LAMB4: variants seen among roughly 807,000 people sequenced by gnomAD.
LAMB4 encodes the protein laminin subunit beta-4.
In LAMB4, 196 loss-of-function variants were observed where a neutral mutation model predicts 199.2. The ratio of observed to expected loss-of-function variants is 0.98; its 90% CI spans 0.88 to 1.11. The LOEUF is 1.11. Ranked by LOEUF, LAMB4 falls within the 50% of genes least tolerant of loss-of-function variation. The pLI is 0.00. For missense variants in LAMB4, 2,080 were observed against 2,171.2 expected, an observed-to-expected ratio of 0.96 and a Z score of 0.83; for synonymous variants, 744 against 770.6, an observed-to-expected ratio of 0.97 and a Z score of 0.57.
intron 29 of LAMB4, among the ~76,000 whole-genome samples, chr7:108,041,479 A>C (rs2035420040): frequency 6.6e-6 from 1 of 152,240 alleles, no homozygotes; most frequent in South Asian, 2.1e-4. Context: ...ACAGGAGCAA[A>C]GACATGGAAT....
At chr7:108,086,158 C>A (rs1363423587) in intron 14 of LAMB4, among the ~76,000 whole-genome samples, 10 of 152,220 alleles carry the variant, frequency 6.6e-5, no homozygotes, top group Non-Finnish European at 1.3e-4. Flanking sequence ...GCACCAACGA[C>A]TGACTGATGC....
At chr7:108,053,826 G>T (rs1345275866) in intron 25 of LAMB4, among the ~76,000 whole-genome samples, 1 of 152,190 alleles carries the variant, frequency 6.6e-6, no homozygotes, top group African/African-American at 2.4e-5. Flanking sequence ...CCACAAGCTT[G>T]TGGTCCATGG....
At chr7:108,081,485 C>G (rs932045950) in intron 14 of LAMB4, among the ~76,000 whole-genome samples, 10 of 152,232 alleles carry the variant, frequency 6.6e-5, no homozygotes, top group Admixed American at 1.3e-4. Flanking sequence ...CTCCTTCACT[C>G]TCTTAAGAGT....
chr7:108,086,597 C>T (rs1228951283), intron 14 of LAMB4, among the ~76,000 whole-genome samples: 1 of 152,048 alleles, frequency 6.6e-6, no homozygotes, highest in East Asian at 1.9e-4. Flanking sequence ...TGTATGGAAC[C>T]CCAGAGATGG....
At chr7:108,020,454 G>C (rs1173821888), downstream of LAMB4, among the ~76,000 whole-genome samples, 1 of 127,212 alleles carries the variant, frequency 7.9e-6, no homozygotes, top group Non-Finnish European at 1.6e-5. Context: ...CTAGGTGACA[G>C]AGCAAGACTC....
chr7:108,043,717 AC>A (rs2035516136), intron 29 of LAMB4, 34 bp downstream of exon 29: 4 of 1,437,624 alleles, frequency 2.8e-6, no homozygotes, highest in Non-Finnish European at 3.8e-6. Flanking sequence ...AGGGAAAAAA[AC>A]AAAAACTAGT....
chr7:108,099,470 G>T (rs1469913795), intron 10 of LAMB4, among the ~76,000 whole-genome samples: 1 of 152,170 alleles, frequency 6.6e-6, no homozygotes, highest in Non-Finnish European at 1.5e-5. Flanking sequence ...CAAATAGTTA[G>T]GGGTGCCCAA....
chr7:108,097,901 A>T (rs2037672748), intron 11 of LAMB4, among the ~76,000 whole-genome samples: 1 of 152,246 alleles, frequency 6.6e-6, no homozygotes, highest in Non-Finnish European at 1.5e-5. Context: ...AGTGGGGAAA[A>T]TGTGAATGCC....
chr7:108,073,440 A>G (rs1352606165), intron 17 of LAMB4, among the ~76,000 whole-genome samples: 1 of 152,198 alleles, frequency 6.6e-6, no homozygotes, highest in Non-Finnish European at 1.5e-5. Flanking sequence ...TGCCTAATAT[A>G]TTTTTTACTC....
chr7:108,052,382 G>T, intron 25 of LAMB4, 125 bp from the exon 26 acceptor site: 1 of 645,758 alleles, frequency 1.5e-6, no homozygotes, highest in Non-Finnish European at 2.5e-6. Flanking sequence ...CCTTCTACTC[G>T]AGTTTTTCAT....
At chr7:108,065,261 A>G (rs1299216068) in intron 21 of LAMB4, among the ~76,000 whole-genome samples, 1 of 152,152 alleles carries the variant, frequency 6.6e-6, no homozygotes, top group African/African-American at 2.4e-5. Flanking sequence ...CAAGAGATAC[A>G]TGTTTTGAAT....
chr7:108,064,096 A>C, intron 21 of LAMB4, 111 bp from the exon 22 acceptor site: 2 of 754,632 alleles, frequency 2.7e-6, no homozygotes, highest in Non-Finnish European at 4.7e-6. Context: ...AATAATGAGA[A>C]ATCACACATT....
At chr7:108,038,329 T>C (rs1165874926) in intron 29 of LAMB4, among the ~76,000 whole-genome samples, 1 of 151,966 alleles carries the variant, frequency 6.6e-6, no homozygotes, top group Admixed American at 6.6e-5. Flanking sequence ...CCAGCTAATT[T>C]TTTTTGTATT....
intron 2 of LAMB4, among the ~76,000 whole-genome samples, chr7:108,121,416 T>G (rs1054234451): frequency 6.6e-6 from 1 of 152,188 alleles, no homozygotes; most frequent in Admixed American, 6.5e-5. Flanking sequence ...TGTAAACACA[T>G]GTTTATACGT....
the LAMB4 span, among the ~76,000 whole-genome samples, chr7:108,012,218 A>T: frequency 6.6e-6 from 1 of 152,070 alleles, no homozygotes; most frequent in East Asian, 1.9e-4. Context: ...CATAGAAATG[A>T]TAACAATTTC....
chr7:108,043,823 A>C lies in LAMB4; in HGVS notation c.4400T>G (p.Ile1467Arg). The C allele has an allele frequency of 1.2e-6, 2 of 1,609,720 alleles. No individual in the cohort carries two copies. Among genetic ancestry groups the C allele is most frequent in the Middle Eastern group, 1.7e-4 (1 of 6,044 alleles). Residue 1467 changes from isoleucine (I) to arginine (R), a missense_variant, in exon 29 of 34, where the codon ATA becomes AGA. Coordinates refer to ENST00000388781, the MANE Select transcript of LAMB4 (RefSeq NM_007356.3). ...ALQLREKLGN[I>R]RNQSDSEEEN... is the part of the protein sequence containing the mutation. ...TTCTTCAGAGTCACTTTGGTTTCTT[A>C]TATTTCCCAGTTTTTCCCTCAGCTG...
chr7:108,128,386 G>A (rs1262205254), intron 1 of LAMB4, among the ~76,000 whole-genome samples: 1 of 152,106 alleles, frequency 6.6e-6, no homozygotes, highest in East Asian at 1.9e-4. Flanking sequence ...CAGGGGTGCT[G>A]CTAAGTAAAT....
intron 15 of LAMB4, 133 bp downstream of exon 15, chr7:108,079,468 T>TA: frequency 1.4e-6 from 1 of 739,430 alleles, no homozygotes; most frequent in South Asian, 2.3e-5. Flanking sequence ...CCTTGGTTTA[T>TA]AATGCTCCCC....
At chr7:108,103,283 C>A in intron 9 of LAMB4, 51 bp from the exon 10 acceptor site, 4 of 1,450,004 alleles carry the variant, frequency 2.8e-6, no homozygotes, top group Non-Finnish European at 2.8e-6. Context: ...TCGGGTGGCA[C>A]AGCCAGTGCC....
Sources: allele counts gnomAD v4.1 joint callset (sites outside exome capture counted in the v4.1 genomes callset), GRCh38; gene constraint gnomAD v4.1.1; transcripts MANE v1.5; gene names NCBI Gene and HGNC (gene_info 2026-07-23, HGNC 2026-07-21).